MRGPRX3: variants seen among roughly 807,000 people sequenced by gnomAD.
MRGPRX3 encodes the protein mas-related G protein-coupled receptor member X3.
Under a neutral mutation model 16.5 loss-of-function variants are expected in MRGPRX3, and 14 were observed. That is an observed-to-expected ratio of 0.85 (90% CI 0.56 to 1.33). MRGPRX3 has a LOEUF of 1.33. Ranked by LOEUF, MRGPRX3 falls within the 40% of genes most tolerant of loss-of-function variation. MRGPRX3 has a pLI of 0.00. For missense variants in MRGPRX3, 449 were observed against 413.0 expected (o/e 1.09, Z -0.76); for synonymous variants, 199 against 180.1 (o/e 1.10, Z -0.84).
At chr11:18,133,170 T>C (rs1848978354) in intron 1 of MRGPRX3, among the ~76,000 whole-genome samples, 1 of 152,206 alleles carries the variant, frequency 6.6e-6, no homozygotes, top group Admixed American at 6.5e-5. Context: ...TTAAGGAGTG[T>C]TTCATGAGGA....
chr11:18,125,197 A>G (rs56190777), intron 1 of MRGPRX3, among the ~76,000 whole-genome samples: 7,770 of 150,982 alleles, frequency 0.051, 659 homozygotes, highest in African/African-American at 0.18. Context: ...CTTCAGTTCT[A>G]CTCTGATCTT....
At chr11:18,133,064 T>G (rs923788537) in intron 1 of MRGPRX3, among the ~76,000 whole-genome samples, 1 of 152,248 alleles carries the variant, frequency 6.6e-6, no homozygotes, top group African/African-American at 2.4e-5. Context: ...AGAGTTGAAC[T>G]GCTATAGAGC....
chr11:18,122,872 T>A (rs1848853865), intron 1 of MRGPRX3, among the ~76,000 whole-genome samples: 1 of 152,316 alleles, frequency 6.6e-6, no homozygotes, highest in East Asian at 1.9e-4. Flanking sequence ...TTTTAATGAT[T>A]GCCATTCTAA....
At chr11:18,133,720 G>A (rs1172194794) in intron 1 of MRGPRX3, among the ~76,000 whole-genome samples, 1 of 152,278 alleles carries the variant, frequency 6.6e-6, no homozygotes, top group South Asian at 2.1e-4. Context: ...AGTCTGTAGA[G>A]CTATTAGCCA....
At position 18,137,289 on chromosome 11, in the gene MRGPRX3, C is replaced by A. The variant is rs1198487459; in HGVS notation, c.87C>A (p.Ser29Arg). Residue 29 changes from serine to arginine, a missense_variant, in exon 2 of 2, where the codon AGC becomes AGA. By Grantham distance (110) the Ser-to-Arg change is moderately radical. Transcript: ENST00000621697. ...CTCCTTGCTACAAGCAGACCCTGAG[C>A]TTCACGGGGCTGACGTGCATCGTTT... The part of the protein sequence containing the change: ...EETPCYKQTL[S>R]FTGLTCIVSL... 2 of 1,614,164 alleles carry A rather than the reference C, an allele frequency of 1.2e-6. No individual in the cohort carries two copies. The highest frequency in any genetic ancestry group is 1.6e-4 in the Middle Eastern group (1 of 6,062).
upstream of MRGPRX3, among the ~76,000 whole-genome samples, chr11:18,129,682 T>G (rs1347111524): frequency 6.6e-6 from 1 of 152,160 alleles, no homozygotes; most frequent in Non-Finnish European, 1.5e-5. Flanking sequence ...AAGCATTGTA[T>G]GAAGCCAATG....
intron 1 of MRGPRX3, among the ~76,000 whole-genome samples, chr11:18,122,651 G>T (rs1270873226): frequency 6.6e-6 from 1 of 152,144 alleles, no homozygotes; most frequent in Non-Finnish European, 1.5e-5. Context: ...AAACATACGT[G>T]TGCATGTGTC....
At chr11:18,129,949 T>A (rs11529618), upstream of MRGPRX3, among the ~76,000 whole-genome samples, 314 of 152,350 alleles carry the variant, frequency 2.1e-3, 6 homozygotes, top group East Asian at 0.05. Context: ...TCTCAATAGA[T>A]GCTGAAAAAG....
chr11:18,137,796 G>C lies in MRGPRX3; in HGVS notation c.594G>C (p.Leu198=). The C allele has an allele frequency of 3.1e-6, 5 of 1,613,958 alleles. No homozygotes were observed. The highest frequency in any genetic ancestry group is 4.2e-6 in the Non-Finnish European group (5 of 1,179,986). ...TTCTCTGTGGGTCCAGCCTGGTCCTGCTGGTCAGGATTCTCTGTGGATCCC... is the reference window on the plus strand; with the variant it reads ...TTCTCTGTGGGTCCAGCCTGGTCCTCCTGGTCAGGATTCTCTGTGGATCCC... ...CVVLCGSSLV[L]LVRILCGSRK... The change falls in exon 2 of 2, where the codon CTG becomes CTC. Residue 198 remains leucine, a synonymous_variant. Transcript: ENST00000621697.
In MRGPRX3 at chr11:18,137,755, G is replaced by C. The variant is rs369169253; in HGVS notation, c.553G>C (p.Val185Leu). The stretch of plus-strand genomic sequence containing the variant: ...AGATTTCATTACAATCGCGTGGCTG[G>C]TTTTTTTATGTGTGGTTCTCTGTGG... ...TSDFITIAWL[V>L]FLCVVLCGSS... is the part of the protein sequence containing the mutation. Residue 185 changes from valine (V) to leucine (L), a missense_variant, in exon 2 of 2, where the codon GTT (valine) becomes CTT (leucine). Val to Leu is a conservative substitution (Grantham distance 32). Transcript: ENST00000621697. 1.2e-6 allele frequency: 2 copies of C among 1,614,036 alleles called. No homozygotes were observed. The highest frequency in any genetic ancestry group is 2.2e-5 in the South Asian group (2 of 91,048).
At chr11:18,131,600 G>A (rs186502746), upstream of MRGPRX3, among the ~76,000 whole-genome samples, 49 of 152,108 alleles carry the variant, frequency 3.2e-4, no homozygotes, top group African/African-American at 1.1e-3. Flanking sequence ...GTAAACTTGC[G>A]CAACCACTAT....
At chr11:18,122,273 T>A (rs1848848134) in intron 1 of MRGPRX3, among the ~76,000 whole-genome samples, 1 of 152,184 alleles carries the variant, frequency 6.6e-6, no homozygotes. Context: ...TACATAGATA[T>A]ACATGTGCCA....
intron 1 of MRGPRX3, among the ~76,000 whole-genome samples, chr11:18,127,504 G>T (rs955502916): frequency 1.3e-5 from 2 of 151,992 alleles, no homozygotes; most frequent in African/African-American, 2.4e-5. Context: ...TTCTCTTCTT[G>T]CTTCATTTCA....
chr11:18,122,874 C>T (rs1234820376), intron 1 of MRGPRX3, among the ~76,000 whole-genome samples: 1 of 152,174 alleles, frequency 6.6e-6, no homozygotes, highest in Non-Finnish European at 1.5e-5. Flanking sequence ...TTAATGATTG[C>T]CATTCTAACT....
chr11:18,138,258 C>G lies in MRGPRX3; in HGVS notation c.*87C>G. On this transcript the variant is annotated 3_prime_UTR_variant, in exon 2 of 2. Coordinates refer to ENST00000621697, the MANE Select transcript of MRGPRX3 (RefSeq NM_001370464.1). The stretch of plus-strand genomic sequence containing the variant: ...AATTATATGCATTTTTCTTAGCCTT[C>G]TGCCTCAGAAATGTCTCAGTGGTCC... 5 of 1,512,448 alleles carry G rather than the reference C, an allele frequency of 3.3e-6. No individual in the cohort carries two copies. Among genetic ancestry groups the G allele is most frequent in the Middle Eastern group, 1.8e-4 (1 of 5,584 alleles). The allele number at this position is 1,512,448 out of a possible 1,614,324, so 93.7% of individuals were successfully genotyped here.
chr11:18,121,652 C>G (rs930346241), intron 1 of MRGPRX3, among the ~76,000 whole-genome samples: 11 of 152,246 alleles, frequency 7.2e-5, no homozygotes, highest in Non-Finnish European at 1.6e-4. Context: ...TTGTTCTGTA[C>G]AAAGAAAGAT....
intron 1 of MRGPRX3, among the ~76,000 whole-genome samples, chr11:18,123,402 A>C (rs1425358357): frequency 2.0e-5 from 3 of 152,192 alleles, no homozygotes; most frequent in Non-Finnish European, 2.9e-5. Flanking sequence ...AGCTTTCTAC[A>C]TATGGCTAGC....
chr11:18,134,495 G>A (rs1564881292), intron 1 of MRGPRX3, among the ~76,000 whole-genome samples: 1 of 152,166 alleles, frequency 6.6e-6, no homozygotes, highest in African/African-American at 2.4e-5. Context: ...AATGTATCTG[G>A]GAGAAAGTGC....
At chr11:18,133,071 G>C (rs1056285969) in intron 1 of MRGPRX3, among the ~76,000 whole-genome samples, 2 of 152,164 alleles carry the variant, frequency 1.3e-5, no homozygotes, top group African/African-American at 4.8e-5. Context: ...AACTGCTATA[G>C]AGCCAGTTTC....
Sources: allele counts gnomAD v4.1 joint callset (sites outside exome capture counted in the v4.1 genomes callset), GRCh38; gene constraint gnomAD v4.1.1; transcripts MANE v1.5; gene names NCBI Gene and HGNC (gene_info 2026-07-23, HGNC 2026-07-21).